The following PDE10A variants were observed in gnomAD, a reference collection of about 807,000 sequenced individuals.
PDE10A encodes the protein cAMP and cAMP-inhibited cGMP 3',5'-cyclic phosphodiesterase 10A.
PDE10A carries 39 observed loss-of-function variants against 97.7 expected under a neutral mutation model. The ratio of observed to expected loss-of-function variants is 0.40; its 90% CI spans 0.31 to 0.52. PDE10A has a LOEUF of 0.52. Among genes scored for constraint, PDE10A ranks in the 20% least tolerant of loss-of-function variants. PDE10A has a pLI of 0.56. For missense variants in PDE10A, 731 were observed against 1,047.8 expected (o/e 0.70, Z 4.17); for synonymous variants, 371 against 376.8 (o/e 0.98, Z 0.18).
rs773009595 is a variant in PDE10A at position 165,392,631 on chromosome 6, A to C, written c.2454+15T>G. ...CTGAGGTTACGAGAAACAGAGGTAA[A>C]GAGTGCACACCCACCTCAAGGTCTG... On this transcript the variant is annotated intron_variant, in intron 16 of 21. Transcript: ENST00000539869. The C allele has an allele frequency of 2.5e-6, 4 of 1,609,070 alleles. No homozygotes were observed. Among genetic ancestry groups the C allele is most frequent in the Non-Finnish European group, 3.4e-6 (4 of 1,175,662 alleles).
intron 1 of PDE10A, among the ~76,000 whole-genome samples, chr6:165,958,031 C>T (rs1196607647): frequency 6.6e-6 from 1 of 152,188 alleles, no homozygotes; most frequent in Non-Finnish European, 1.5e-5. Context: ...GCTTCCATTC[C>T]AGGAGAAAAT....
intron 1 of PDE10A, among the ~76,000 whole-genome samples, chr6:165,750,574 C>T (rs1025708096): frequency 6.6e-6 from 1 of 152,200 alleles, no homozygotes; most frequent in African/African-American, 2.4e-5. Context: ...TTTCAATCGC[C>T]TCGTGAGTTC....
Position 165,711,987 on chromosome 6 carries a change from A to G in PDE10A, c.-614-168419T>C, listed in dbSNP as rs1232478291. Among the ~76,000 whole-genome samples, 2 of 152,176 alleles carry G rather than the reference A, an allele frequency of 1.3e-5. No homozygotes were observed. The highest frequency in any genetic ancestry group is 4.8e-5 in the African/African-American group (2 of 41,436). On this transcript the variant is annotated intron_variant, in intron 1 of 19. Coordinates refer to the PDE10A transcript ENST00000366882. This position sits in a 1 kb window ranked among gnomAD's most constrained non-coding sequence, Gnocchi z 4.5. ...CAACTCTTGGACCCCACAGGTGGCC[A>G]CTGTGAATTCCTCACTGGTCTTTAT...
At chr6:165,868,486 C>G (rs1781115578) in intron 1 of PDE10A, among the ~76,000 whole-genome samples, 1 of 151,652 alleles carries the variant, frequency 6.6e-6, no homozygotes, top group African/African-American at 2.4e-5. Context: ...CTAAACAGAC[C>G]AGTAAAAAGT....
chr6:165,891,108 G>C (rs1407023069), intron 1 of PDE10A, among the ~76,000 whole-genome samples: 5 of 152,196 alleles, frequency 3.3e-5, no homozygotes, highest in Non-Finnish European at 7.3e-5. Context: ...TGATCACGTT[G>C]TCACCCATTG....
intron 1 of PDE10A, among the ~76,000 whole-genome samples, chr6:165,646,301 T>C (rs1789395429): frequency 6.6e-6 from 1 of 152,250 alleles, no homozygotes; most frequent in Non-Finnish European, 1.5e-5. Flanking sequence ...AGGTGGAGCC[T>C]ATCATACTTG....
At chr6:165,504,357 C>T (rs776146109) in intron 2 of PDE10A, among the ~76,000 whole-genome samples, 11 of 152,152 alleles carry the variant, frequency 7.2e-5, no homozygotes, top group Non-Finnish European at 1.2e-4. Flanking sequence ...ACCGTGATAG[C>T]ATTAAATATC....
Position 165,395,947 on chromosome 6 carries a change from A to C in PDE10A, c.2219+370T>G, listed in dbSNP as rs576726080. On this transcript the variant is annotated intron_variant, in intron 14 of 21. Transcript: ENST00000539869. The stretch of plus-strand genomic sequence containing the variant: ...AGTCAAACTATGACAAAATTCTTGA[A>C]TTTAATTTGGAAGTTTAAATTTATA... Among the ~76,000 whole-genome samples the C allele has an allele frequency of 2.6e-5, 4 of 152,300 alleles. No homozygotes were observed. In the South Asian group the frequency reaches 8.3e-4, roughly 32 times the overall value.
chr6:165,945,156 A>C (rs1262862889), intron 1 of PDE10A, among the ~76,000 whole-genome samples: 3 of 152,336 alleles, frequency 2.0e-5, no homozygotes, highest in African/African-American at 7.2e-5. Context: ...TTATTTGCTC[A>C]GTGGGCCACC....
At chr6:165,899,396 C>G (rs1017088593) in intron 1 of PDE10A, among the ~76,000 whole-genome samples, 5 of 152,142 alleles carry the variant, frequency 3.3e-5, no homozygotes, top group African/African-American at 1.2e-4. Context: ...ATTCAGCCAT[C>G]GTTTTCACAT....
chr6:165,866,749 G>A (rs1781065456), intron 1 of PDE10A, among the ~76,000 whole-genome samples: 2 of 148,376 alleles, frequency 1.3e-5, no homozygotes, highest in South Asian at 4.2e-4. Context: ...TTTCTCACCA[G>A]AAATCTAACA....
intron 1 of PDE10A, among the ~76,000 whole-genome samples, chr6:165,551,183 C>T (rs1180128505): frequency 1.3e-5 from 2 of 152,136 alleles, no homozygotes; most frequent in South Asian, 2.1e-4. Flanking sequence ...CTATGTAAAA[C>T]CTTCCTTTAT....
intron 1 of PDE10A, among the ~76,000 whole-genome samples, chr6:165,700,891 GA>G (rs1334428298): frequency 1.3e-5 from 2 of 152,328 alleles, no homozygotes; most frequent in Admixed American, 6.5e-5. Flanking sequence ...TAAGCCATTT[GA>G]AGTGTTTATT....
chr6:165,350,031 A>T (rs1782593641), intron 18 of PDE10A, among the ~76,000 whole-genome samples: 1 of 152,240 alleles, frequency 6.6e-6, no homozygotes, highest in South Asian at 2.1e-4. Context: ...ATGTGGAGTC[A>T]GAGCACCCAC....
chr6:165,392,481 T>C (rs1275434615), intron 16 of PDE10A, among the ~76,000 whole-genome samples, 165 bp downstream of exon 16: 1 of 152,208 alleles, frequency 6.6e-6, no homozygotes, highest in East Asian at 1.9e-4. Flanking sequence ...AATAATATGC[T>C]AAATGTTTGG....
chr6:165,456,498 G>A (rs1466261940), intron 3 of PDE10A, among the ~76,000 whole-genome samples: 2 of 152,148 alleles, frequency 1.3e-5, no homozygotes, highest in Non-Finnish European at 2.9e-5. Context: ...CCTGTGTGCA[G>A]TGCTGAGATC....
chr6:165,619,219 CTAGTG>C, intron 1 of PDE10A, among the ~76,000 whole-genome samples: 1 of 119,536 alleles, frequency 8.4e-6, no homozygotes, highest in East Asian at 2.4e-4. Context: ...GCAGTGTAGA[CTAGTG>C]TAGTGTAGAC....
intron 1 of PDE10A, among the ~76,000 whole-genome samples, chr6:165,694,761 T>C (rs549928837): frequency 1.3e-5 from 2 of 152,276 alleles, no homozygotes; most frequent in South Asian, 2.1e-4. Context: ...GGACAGAGGA[T>C]AGATGAGAAG....
At chr6:165,665,688 T>C (rs1790480661), upstream of PDE10A, among the ~76,000 whole-genome samples, 1 of 151,342 alleles carries the variant, frequency 6.6e-6, no homozygotes, top group Non-Finnish European at 1.5e-5. Flanking sequence ...AAGCCCACGT[T>C]GCAAAGAAAA....
Sources: allele counts gnomAD v4.1 joint callset (sites outside exome capture counted in the v4.1 genomes callset), GRCh38; gene constraint gnomAD v4.1.1; non-coding constraint Gnocchi (gnomAD v3.1); transcripts MANE v1.5; gene names NCBI Gene and HGNC (gene_info 2026-07-23, HGNC 2026-07-21).